TP53BP2: variants seen among roughly 807,000 people sequenced by gnomAD.
TP53BP2 encodes the protein apoptosis-stimulating of p53 protein 2.
A neutral mutation model predicts 126.2 loss-of-function variants in TP53BP2; 62 were observed. The observed-to-expected ratio is 0.49, with a 90% CI of 0.40 to 0.61. The LOEUF (loss-of-function observed/expected upper bound fraction) is 0.61, where lower values mean the gene tolerates loss of function less well. Among genes scored for constraint, TP53BP2 ranks in the 20% least tolerant of loss-of-function variants. TP53BP2 has a pLI of 0.00. For synonymous variants in TP53BP2, 485 were observed against 502.9 expected, an observed-to-expected ratio of 0.96 and a Z score of 0.48; for missense variants, 1,215 against 1,402.8, an observed-to-expected ratio of 0.87 and a Z score of 2.14.
Position 223,796,694 on chromosome 1 carries a change from AGTTGTT to A in TP53BP2, c.1949-110_1949-105del. 1 of 1,058,040 alleles carries A rather than the reference AGTTGTT, an allele frequency of 9.5e-7. No homozygotes were observed. The highest frequency in any genetic ancestry group is 3.2e-4 in the Middle Eastern group (1 of 3,136). The allele number at this position is 1,058,040 out of a possible 1,614,324, so 65.5% of individuals were successfully genotyped here. On this transcript the variant is annotated intron_variant, in intron 12 of 17. Coordinates refer to ENST00000343537, the MANE Select transcript of TP53BP2 (RefSeq NM_001031685.3). This position sits in a 1 kb window ranked among gnomAD's most constrained non-coding sequence, Gnocchi z 4.2. ...TAACTAAAGCCTCTTTTAATTTCAT[AGTTGTT>A]ACTACATAATCCCCTTCAAATATAA...
chr1:223,802,212 G>T lies in TP53BP2; in HGVS notation c.1129C>A (p.Leu377Met). 6.2e-7 allele frequency: 1 copy of T among 1,614,196 alleles called. No individual in the cohort carries two copies. The highest frequency in any genetic ancestry group is 2.2e-5 in the East Asian group (1 of 44,886). Residue 377 changes from leucine (L) to methionine (M), a missense_variant, in exon 9 of 18, where the codon CTG (leucine) becomes ATG (methionine). Leu to Met is a conservative substitution (Grantham distance 15). Transcript: ENST00000343537. ...SRPELLVKPA[L>M]PDGSLVIQAS... ...TGAATGACCAAGGAACCATCCGGCA[G>T]GGCTGGCTTCACCAGCAATTCAGGC...
intron 14 of TP53BP2, among the ~76,000 whole-genome samples, chr1:223,792,765 C>G (rs886447894): frequency 6.6e-6 from 1 of 151,370 alleles, no homozygotes; most frequent in Non-Finnish European, 1.5e-5. Context: ...AAAGGAAGTA[C>G]CAGAAACTAT....
In TP53BP2 at chr1:223,802,273, A is replaced by G; in HGVS notation, c.1068T>C (p.Tyr356=). 1 of 1,614,226 alleles carries G rather than the reference A, an allele frequency of 6.2e-7. No homozygotes were observed. The highest frequency in any genetic ancestry group is 2.2e-5 in the East Asian group (1 of 44,880). Residue 356 remains tyrosine (Y), a synonymous_variant, in exon 9 of 18, where the codon TAT becomes TAC. Coordinates refer to ENST00000343537, the MANE Select transcript of TP53BP2 (RefSeq NM_001031685.3). ...TCCGAGGCATAGTAGACGACTGGAT[A>G]TAGGGACCTACTGCAGCCACACGGC... ...APSRVAAVGP[Y]IQSSTMPRMP...
At chr1:223,825,093 A>G (rs1325810420) in intron 1 of TP53BP2, among the ~76,000 whole-genome samples, 4 of 150,914 alleles carry the variant, frequency 2.7e-5, no homozygotes, top group Admixed American at 2.0e-4. Flanking sequence ...TCCTTAGCAC[A>G]GTCACTAACA....
At chr1:223,781,490 T>TA (rs1558084960) in intron 17 of TP53BP2, among the ~76,000 whole-genome samples, 1 of 152,164 alleles carries the variant, frequency 6.6e-6, no homozygotes, top group Non-Finnish European at 1.5e-5. Flanking sequence ...GCAAGGCCTC[T>TA]AGGCCTGAGC....
chr1:223,789,132 C>T lies in TP53BP2; in HGVS notation c.3039G>A (p.Val1013=), dbSNP rs765398643. The T allele has an allele frequency of 6.8e-6, 11 of 1,614,212 alleles. 1 individual carries two copies. Among genetic ancestry groups the T allele is most frequent in the South Asian group, 5.5e-5 (5 of 91,078 alleles). The change falls in exon 16 of 18, where the codon GTG becomes GTA. Residue 1013 remains valine (V), a synonymous_variant. Transcript: ENST00000343537. ...CTCCTGACTCCACCAAAAACTTACA[C>T]ACTTGGACGTTGTTACATGAGGCAG... ...HCAASCNNVQ[V]CKFLVESGAA... is the part of the protein sequence containing the mutation.
At position 223,784,151 on chromosome 1, in the gene TP53BP2, A is replaced by G. The variant is rs572492477; in HGVS notation, c.3327T>C (p.Asn1109=). The G allele has an allele frequency of 3.7e-6, 6 of 1,614,162 alleles. No individual in the cohort carries two copies. The Admixed American group carries it at 5.0e-5, about 13-fold the overall frequency. The change falls in exon 17 of 18, where the codon AAT becomes AAC. Residue 1109 remains asparagine (N), a synonymous_variant. Transcript: ENST00000343537. ...DEIEWWWARL[N]DKEGYVPRNL... is the part of the protein sequence containing the mutation. Reference sequence around the variant, plus strand: ...TACGTGGAACATATCCCTCCTTATCATTAAGGCGCGCCCACCACCATTCGA... The same window carrying G: ...TACGTGGAACATATCCCTCCTTATCGTTAAGGCGCGCCCACCACCATTCGA...
At chr1:223,834,892 T>C in intron 1 of TP53BP2, 3 of 983,492 alleles carry the variant, frequency 3.1e-6, no homozygotes, top group Admixed American at 6.1e-5. Context: ...TGTAGTTGTC[T>C]GTATCCCTGT....
intron 1 of TP53BP2, among the ~76,000 whole-genome samples, chr1:223,842,967 A>G (rs1056603423): frequency 2.6e-5 from 4 of 152,224 alleles, no homozygotes; most frequent in African/African-American, 9.6e-5. Context: ...CAGGTATCTG[A>G]AAGTGAGAGT....
chr1:223,793,820 C>T (rs963421924), intron 13 of TP53BP2, among the ~76,000 whole-genome samples: 1 of 152,184 alleles, frequency 6.6e-6, no homozygotes, highest in African/African-American at 2.4e-5. Flanking sequence ...CTATCTAATA[C>T]AGTACAGCAA....
Position 223,798,595 on chromosome 1 carries a change from G to A in TP53BP2, c.1568C>T (p.Thr523Ile). ...KQINLPYFGQ[T>I]NQPPSDIKPD... is the part of the protein sequence containing the mutation. Reference sequence around the variant, plus strand: ...CTTAATGTCTGAAGGTGGCTGATTAGTTTGTCCAAAATAAGGCAAATTAAT... The same window carrying A: ...CTTAATGTCTGAAGGTGGCTGATTAATTTGTCCAAAATAAGGCAAATTAAT... Residue 523 changes from threonine to isoleucine, a missense_variant, in exon 12 of 18, where the codon ACT (threonine) becomes ATT (isoleucine). Coordinates refer to ENST00000343537, the MANE Select transcript of TP53BP2 (RefSeq NM_001031685.3). 23 of 1,614,200 alleles carry A rather than the reference G, an allele frequency of 1.4e-5. No homozygotes were observed. The highest frequency in any genetic ancestry group is 1.9e-5 in the Non-Finnish European group (23 of 1,180,014).
rs756423002 is a variant in TP53BP2 at position 223,798,410 on chromosome 1, C to T, written c.1753G>A (p.Ala585Thr). 6.2e-7 allele frequency: 1 copy of T among 1,614,166 alleles called. No individual in the cohort carries two copies. Among genetic ancestry groups the T allele is most frequent in the East Asian group, 2.2e-5 (1 of 44,882 alleles). ...SPGSKQESPP[A>T]AAVRPFTPQP... ...GGAGTAAAGGGCCGGACGGCAGCAGCAGGTGGACTTTCTTGCTTAGAACCT... is the reference window on the plus strand; with the variant it reads ...GGAGTAAAGGGCCGGACGGCAGCAGTAGGTGGACTTTCTTGCTTAGAACCT... The change falls in exon 12 of 18, where the codon GCT becomes ACT. Residue 585 changes from alanine (A) to threonine (T), a missense_variant. Ala to Thr is a moderately conservative substitution (Grantham distance 58, BLOSUM62 0). Around this residue, in one of 4 missense-constraint regions of TP53BP2, gnomAD observed 814 missense variants for 853.0 expected, o/e 0.95. Coordinates refer to ENST00000343537, the MANE Select transcript of TP53BP2 (RefSeq NM_001031685.3).
At chr1:223,818,018 G>C (rs1462059157) in intron 2 of TP53BP2, among the ~76,000 whole-genome samples, 1 of 151,388 alleles carries the variant, frequency 6.6e-6, no homozygotes, top group Non-Finnish European at 1.5e-5. Context: ...GTAAACTGGA[G>C]AACACTGATA....
intron 15 of TP53BP2, 106 bp downstream of exon 15, chr1:223,792,283 A>C: frequency 7.7e-7 from 1 of 1,300,742 alleles, no homozygotes; most frequent in Non-Finnish European, 1.1e-6. Flanking sequence ...AAGCAGCTCA[A>C]GGACATAACT....
chr1:223,805,496 GAAGCAATGAT>G (rs1662684514), intron 5 of TP53BP2, among the ~76,000 whole-genome samples: 1 of 152,162 alleles, frequency 6.6e-6, no homozygotes, highest in Non-Finnish European at 1.5e-5. Context: ...TAAGGTTTGA[GAAGCAATGAT>G]ATGCATGATT....
At chr1:223,845,217 A>G (rs994959201) in intron 1 of TP53BP2, 87 of 984,114 alleles carry the variant, frequency 8.8e-5, no homozygotes, top group Non-Finnish European at 1.0e-4. Context: ...AAATTCAATT[A>G]AAAACAAAGC....
At chr1:223,799,788 C>T (rs1473772914) in intron 11 of TP53BP2, 111 bp downstream of exon 11, 19 of 998,632 alleles carry the variant, frequency 1.9e-5, no homozygotes, top group Non-Finnish European at 2.6e-5. Flanking sequence ...TTTCTAATCT[C>T]CTAGGTACAT....
chr1:223,804,399 T>C (rs1453887685), intron 5 of TP53BP2, 51 bp from the exon 6 acceptor site: 2 of 1,552,808 alleles, frequency 1.3e-6, no homozygotes, highest in Non-Finnish European at 1.8e-6. Context: ...AGTACACCAC[T>C]AAGCTCAAAA....
intron 9 of TP53BP2, 38 bp downstream of exon 9, chr1:223,802,078 T>C (rs1409354201): frequency 1.9e-6 from 3 of 1,572,694 alleles, no homozygotes; most frequent in Admixed American, 1.8e-5. Flanking sequence ...GAAAGAATAG[T>C]GGGGACAGGA....
Sources: allele counts gnomAD v4.1 joint callset (sites outside exome capture counted in the v4.1 genomes callset), GRCh38; gene constraint gnomAD v4.1.1; regional missense constraint gnomAD v4.1.1; non-coding constraint Gnocchi (gnomAD v3.1); transcripts MANE v1.5; gene names NCBI Gene and HGNC (gene_info 2026-07-23, HGNC 2026-07-21).